E2F5: variants seen among roughly 807,000 people sequenced by gnomAD.
The protein encoded by E2F5 is transcription factor E2F5.
E2F5 carries 23 observed loss-of-function variants against 39.1 expected under a neutral mutation model. The observed-to-expected ratio is 0.59, with a 90% confidence interval of 0.42 to 0.83. The LOEUF is 0.83. E2F5 is among the 40% of genes least tolerant of loss of function. E2F5 has a pLI of 0.00. For missense variants in E2F5, 365 were observed against 406.7 expected, an observed-to-expected ratio of 0.90 and a Z score of 0.88; for synonymous variants, 145 against 157.8, an observed-to-expected ratio of 0.92 and a Z score of 0.61.
intron 1 of E2F5, among the ~76,000 whole-genome samples, chr8:85,180,541 T>C (rs1343535481): frequency 9.4e-6 from 1 of 106,118 alleles, no homozygotes; most frequent in Non-Finnish European, 2.0e-5. Context: ...TATATATATA[T>C]ATATATATAT....
intron 1 of E2F5, among the ~76,000 whole-genome samples, chr8:85,189,957 G>T (rs2129662472): frequency 6.6e-6 from 1 of 152,202 alleles, no homozygotes; most frequent in African/African-American, 2.4e-5. Context: ...GAGTAGCTGG[G>T]AGCTGACCTA....
intron 1 of E2F5, among the ~76,000 whole-genome samples, chr8:85,180,073 G>A (rs1040285813): frequency 2.0e-5 from 3 of 151,540 alleles, no homozygotes; most frequent in Non-Finnish European, 4.4e-5. Context: ...CCAGGCTGGA[G>A]TGCAGTGGCA....
At chr8:85,196,209 A>G (rs1812576406) in intron 1 of E2F5, among the ~76,000 whole-genome samples, 1 of 152,066 alleles carries the variant, frequency 6.6e-6, no homozygotes, top group South Asian at 2.1e-4. Flanking sequence ...TTTTATATTT[A>G]ATTTCCTTAT....
chr8:85,183,149 G>T (rs1170854465), intron 1 of E2F5, among the ~76,000 whole-genome samples: 2 of 152,192 alleles, frequency 1.3e-5, no homozygotes, highest in African/African-American at 2.4e-5. Context: ...CTACTCAGGA[G>T]GCTGAGGCAG....
At chr8:85,197,070 T>C (rs1378405523) in intron 1 of E2F5, among the ~76,000 whole-genome samples, 1 of 152,218 alleles carries the variant, frequency 6.6e-6, no homozygotes, top group Non-Finnish European at 1.5e-5. Flanking sequence ...ATTGGTTTTA[T>C]ATAGTACTTC....
At chr8:85,195,650 T>C (rs993161163) in intron 1 of E2F5, among the ~76,000 whole-genome samples, 1 of 151,932 alleles carries the variant, frequency 6.6e-6, no homozygotes, top group Middle Eastern at 3.2e-3. Context: ...CCAACTTGTC[T>C]GGCTAATTTT....
At chr8:85,191,251 C>T (rs982704144) in intron 1 of E2F5, among the ~76,000 whole-genome samples, 2 of 152,106 alleles carry the variant, frequency 1.3e-5, no homozygotes, top group East Asian at 1.9e-4. Flanking sequence ...TAGTCAAATT[C>T]ATAGAATCTA....
intron 2 of E2F5, 92 bp downstream of exon 2, chr8:85,202,348 C>A: frequency 3.2e-6 from 3 of 926,728 alleles, no homozygotes; most frequent in Non-Finnish European, 4.8e-6. Context: ...TCTCCCAAAT[C>A]CTCTATTTCA....
intron 1 of E2F5, among the ~76,000 whole-genome samples, chr8:85,185,920 A>T (rs1812323981): frequency 6.6e-6 from 1 of 152,218 alleles, no homozygotes; most frequent in Admixed American, 6.5e-5. Flanking sequence ...GGGAGTTTAA[A>T]TTAGTTCAAC....
At chr8:85,184,164 G>A (rs1025518296) in intron 1 of E2F5, among the ~76,000 whole-genome samples, 1 of 152,174 alleles carries the variant, frequency 6.6e-6, no homozygotes, top group African/African-American at 2.4e-5. Context: ...ACATCAAAAA[G>A]CTTATCCACC....
intron 1 of E2F5, 153 bp downstream of exon 1, chr8:85,177,807 G>C: frequency 8.8e-7 from 1 of 1,141,386 alleles, no homozygotes; most frequent in Middle Eastern, 3.6e-4. Flanking sequence ...GCCTGCGCCC[G>C]GGTCGTGGAC....
intron 1 of E2F5, among the ~76,000 whole-genome samples, chr8:85,180,826 G>A (rs1812197213): frequency 6.6e-6 from 1 of 151,316 alleles, no homozygotes; most frequent in African/African-American, 2.4e-5. Flanking sequence ...TGATCCGCCC[G>A]CCTCGGCCTC....
chr8:85,190,069 A>C (rs1193654999), intron 1 of E2F5, among the ~76,000 whole-genome samples: 1 of 152,166 alleles, frequency 6.6e-6, no homozygotes, highest in African/African-American at 2.4e-5. Context: ...AGACACCTAC[A>C]AGATCCTGCC....
intron 1 of E2F5, among the ~76,000 whole-genome samples, chr8:85,183,224 C>T (rs757484471): frequency 2.6e-5 from 4 of 152,140 alleles, no homozygotes; most frequent in Non-Finnish European, 5.9e-5. Flanking sequence ...TGCACTCCAG[C>T]CTGGGTGACA....
intron 1 of E2F5, among the ~76,000 whole-genome samples, chr8:85,189,772 G>GT (rs374489867): frequency 2.2e-4 from 34 of 152,186 alleles, no homozygotes; most frequent in African/African-American, 7.2e-4. Context: ...AAGTTTTTAT[G>GT]TTTTTTTCCT....
chr8:85,177,544 G>A lies in E2F5; in HGVS notation c.124G>A (p.Gly42Arg). The change falls in exon 1 of 8, where the codon GGG (glycine) becomes AGG (arginine). Residue 42 changes from glycine to arginine, a missense_variant. Gly to Arg is a moderately radical substitution (Grantham distance 125). Transcript: ENST00000416274. ...GCAGCCGCCCCCGCCGCCGCAGCTC[G>A]GGGGCGCCGGGGGCGGCAGCAGCAG... ...APQPPPPPQL[G>R]GAGGGSSRHE... is the part of the protein sequence containing the mutation. 3 of 1,221,218 alleles carry A rather than the reference G, an allele frequency of 2.5e-6. No homozygotes were observed. Among genetic ancestry groups the A allele is most frequent in the Non-Finnish European group, 3.1e-6 (3 of 979,474 alleles). The allele number at this position is 1,221,218 out of a possible 1,614,324, so 75.6% of individuals were successfully genotyped here.
intron 1 of E2F5, among the ~76,000 whole-genome samples, chr8:85,181,267 T>C (rs968154937): frequency 3.3e-5 from 5 of 152,144 alleles, no homozygotes; most frequent in African/African-American, 9.7e-5. Flanking sequence ...ACCACATAGA[T>C]GCTATTTCTT....
In E2F5 at chr8:85,207,475, C is replaced by A; in HGVS notation, c.601C>A (p.Pro201Thr). Residue 201 changes from proline (P) to threonine (T), a missense_variant, in exon 5 of 8, where the codon CCC becomes ACC. Physicochemically the swap from Pro to Thr is conservative, Grantham distance 38. Transcript: ENST00000416274. ...QAPSGTQLEV[P>T]IPEMGQNGQK... ...ACCTTCTGGTACACAACTGGAGGTA[C>A]CCATTCCAGAAATGGTATGTAGGAT... 1 of 1,559,946 alleles carries A rather than the reference C, an allele frequency of 6.4e-7. No homozygotes were observed. Among genetic ancestry groups the A allele is most frequent in the Non-Finnish European group, 8.7e-7 (1 of 1,150,838 alleles).
In E2F5 at chr8:85,208,708, G is replaced by A. The variant is rs551088531; in HGVS notation, c.616-434G>A. On this transcript the variant is annotated intron_variant, in intron 5 of 7. Transcript: ENST00000416274. ...ATGTTATATTTATTTCTCAGTAGGA[G>A]AAATTAGTTGTCTTTGTGCTTGCAG... Among the ~76,000 whole-genome samples, 20 of 152,300 alleles carry A rather than the reference G, an allele frequency of 1.3e-4. No homozygotes were observed. The East Asian group carries it at 3.5e-3, about 26-fold the overall frequency.
Sources: allele counts gnomAD v4.1 joint callset (sites outside exome capture counted in the v4.1 genomes callset), GRCh38; gene constraint gnomAD v4.1.1; transcripts MANE v1.5; gene names NCBI Gene and HGNC (gene_info 2026-07-23, HGNC 2026-07-21).